NPC1: variants seen among roughly 807,000 people sequenced by gnomAD.
The protein encoded by NPC1 is Niemann-Pick C1 protein.
Under a neutral mutation model 140.4 loss-of-function variants are expected in NPC1, and 85 were observed. The ratio of observed to expected loss-of-function variants is 0.61; its 90% CI spans 0.51 to 0.72. NPC1 has a LOEUF of 0.72. NPC1 is among the 30% of genes least tolerant of loss of function. The pLI is 0.00. For missense variants in NPC1, 1,504 were observed against 1,623.8 expected (o/e 0.93, Z 1.27); for synonymous variants, 656 against 624.8 (o/e 1.05, Z -0.74).
At chr18:23,576,236 A>AC (rs1328551465) in intron 1 of NPC1, among the ~76,000 whole-genome samples, 1 of 151,730 alleles carries the variant, frequency 6.6e-6, no homozygotes, top group East Asian at 1.9e-4. Context: ...AAACAAACAA[A>AC]AAAACAAAAC....
chr18:23,549,210 T>A (rs2058832377), intron 10 of NPC1, among the ~76,000 whole-genome samples: 1 of 152,204 alleles, frequency 6.6e-6, no homozygotes, highest in Non-Finnish European at 1.5e-5. Flanking sequence ...TTTTCTTCTT[T>A]TTTAGAGACA....
At chr18:23,540,417 T>TAAA (rs746440359) in intron 17 of NPC1, 31 bp downstream of exon 17, 56 of 1,159,790 alleles carry the variant, frequency 4.8e-5, no homozygotes, top group Non-Finnish European at 6.2e-5. Context: ...CTAAAGAAGT[T>TAAA]AAAAAAAAAA....
downstream of NPC1, among the ~76,000 whole-genome samples, chr18:23,527,418 A>C (rs1358093400): frequency 3.3e-5 from 5 of 151,412 alleles, no homozygotes; most frequent in Middle Eastern, 3.4e-3. Context: ...TAATAATAAT[A>C]ATCCCCTACC....
At chr18:23,534,409 G>A (rs773012764) in intron 23 of NPC1, 37 bp downstream of exon 23, 12 of 1,352,890 alleles carry the variant, frequency 8.9e-6, no homozygotes, top group African/African-American at 1.4e-5. Flanking sequence ...ACTTTGTGGT[G>A]CGACTCTGCC....
intron 3 of NPC1, chr18:23,516,560 C>T: frequency 1.2e-6 from 1 of 823,076 alleles, no homozygotes; most frequent in Non-Finnish European, 2.0e-6. Flanking sequence ...TCTGGGTATT[C>T]AGTGTATAGG....
intron 24 of NPC1, chr18:23,533,071 C>A: frequency 1.5e-6 from 1 of 685,908 alleles, no homozygotes; most frequent in Non-Finnish European, 2.1e-6. Context: ...GCCCTGCCTG[C>A]TGACACTCAG....
At chr18:23,548,745 T>C (rs1176978696) in intron 10 of NPC1, among the ~76,000 whole-genome samples, 1 of 152,224 alleles carries the variant, frequency 6.6e-6, no homozygotes, top group East Asian at 1.9e-4. Flanking sequence ...AATATTTTAA[T>C]GTGTAAAACA....
At chr18:23,563,845 G>A (rs1301773249) in intron 4 of NPC1, among the ~76,000 whole-genome samples, 1 of 152,082 alleles carries the variant, frequency 6.6e-6, no homozygotes, top group Non-Finnish European at 1.5e-5. Context: ...GTTTTGATTT[G>A]TATTTCCCTG....
intron 13 of NPC1, among the ~76,000 whole-genome samples, chr18:23,544,066 T>C (rs1050913412): frequency 1.3e-5 from 2 of 152,190 alleles, no homozygotes; most frequent in African/African-American, 4.8e-5. Context: ...GTACACATGA[T>C]ACTATTTAAA....
At chr18:23,561,092 G>C (rs2059031564) in intron 5 of NPC1, among the ~76,000 whole-genome samples, 2 of 152,168 alleles carry the variant, frequency 1.3e-5, no homozygotes, top group Admixed American at 1.3e-4. Flanking sequence ...ACTCACTGCA[G>C]CCTTGAACTC....
rs4324209 is a variant in NPC1, at chr18:23,577,377, A to T, written c.58-3803T>A. 2.7e-5 allele frequency among the ~76,000 whole-genome samples: 3 copies of T among 110,152 alleles called. 1 individual carries two copies. In the Admixed American group the frequency reaches 2.9e-4, roughly 10 times the overall value. The allele number at this position is 110,152 out of a possible 152,430, so 72.3% of individuals were successfully genotyped here. Reference sequence around the variant, plus strand: ...CTAAACACAGGGTGCTGATTGGTGTATTTACAATCCTTGAGCTAGACATAA... The same window carrying T: ...CTAAACACAGGGTGCTGATTGGTGTTTTTACAATCCTTGAGCTAGACATAA... On this transcript the variant is annotated intron_variant, in intron 1 of 24. Transcript: ENST00000269228.
rs762517273 is a variant in NPC1, at chr18:23,534,478, C to T, written c.3559G>A (p.Ala1187Thr). The T allele has an allele frequency of 5.2e-5, 84 of 1,613,832 alleles. No homozygotes were observed. Among genetic ancestry groups the T allele is most frequent in the Admixed American group, 1.8e-4 (11 of 60,010 alleles). The stretch of plus-strand genomic sequence containing the variant: ...CCCATGTGGGCAAGTGCCTCTTCCG[C>T]GCGCTCCACGCGGCTGCCTTTCATG... ...VSMKGSRVER[A>T]EEALAHMGSS... is the part of the protein sequence containing the mutation. The change falls in exon 23 of 25, where the codon GCG becomes ACG. Residue 1187 changes from alanine (A) to threonine (T), a missense_variant. By Grantham distance (58) the Ala-to-Thr change is moderately conservative (BLOSUM62 0). Coordinates refer to ENST00000269228, the MANE Select transcript of NPC1 (RefSeq NM_000271.5).
chr18:23,526,785 C>T (rs773383433), downstream of NPC1: 52 of 1,612,028 alleles, frequency 3.2e-5, 1 homozygote, highest in South Asian at 5.7e-4. Context: ...ATCCTTCCCC[C>T]TTGCTCTGAT....
chr18:23,536,974 C>T (rs1197753675), intron 20 of NPC1, 98 bp from the exon 21 acceptor site: 1 of 919,316 alleles, frequency 1.1e-6, no homozygotes, highest in Non-Finnish European at 1.8e-6. Flanking sequence ...TGACCCTGGA[C>T]TCAGAGGTCA....
rs755894856 is a variant in NPC1 at position 23,560,492 on chromosome 18, A to C, written c.632-12T>G. On this transcript the variant is annotated splice_polypyrimidine_tract_variant and intron_variant, in intron 5 of 24. Coordinates refer to ENST00000269228, the MANE Select transcript of NPC1 (RefSeq NM_000271.5). ...ATGGACTGGAAAATCTACAGAAAGG[A>C]ATTGTGTTGAGTACAAATCTCAATT... The C allele has an allele frequency of 1.2e-5, 19 of 1,613,776 alleles. No homozygotes were observed. In the South Asian group the frequency reaches 2.1e-4, roughly 18 times the overall value.
chr18:23,533,316 C>G, intron 24 of NPC1, 39 bp downstream of exon 24: 1 of 1,573,348 alleles, frequency 6.4e-7, no homozygotes, highest in African/African-American at 1.3e-5. Context: ...TCAGTAATGT[C>G]CTTCTATTGT....
chr18:23,555,240 T>TCAA (rs2058933114), intron 8 of NPC1, among the ~76,000 whole-genome samples: 1 of 152,176 alleles, frequency 6.6e-6, no homozygotes, highest in Non-Finnish European at 1.5e-5. Context: ...AGAACAGCTA[T>TCAA]CAACATAGGA....
intron 3 of NPC1, chr18:23,516,426 A>G (rs373829222): frequency 6.2e-7 from 1 of 1,613,224 alleles, no homozygotes; most frequent in Admixed American, 1.7e-5. Context: ...GCTACCATGT[A>G]TGTCCGTGTC....
At chr18:23,577,329 T>C (rs560110035) in intron 1 of NPC1, among the ~76,000 whole-genome samples, 40 of 147,572 alleles carry the variant, frequency 2.7e-4, no homozygotes, top group East Asian at 1.6e-3. Context: ...AGAGTGTCGA[T>C]TGGTGCACTC....
Sources: gnomAD v4.1 joint callset for allele counts (sites outside exome capture counted in the v4.1 genomes callset) on GRCh38, gnomAD v4.1.1 for gene constraint, MANE v1.5 for transcripts, NCBI Gene and HGNC (gene_info 2026-07-23, HGNC 2026-07-21) for gene names.